SMARCA4: variants seen among roughly 807,000 people sequenced by gnomAD.
SMARCA4 encodes the protein SWI/SNF related BAF chromatin remodeling complex subunit ATPase 4.
A neutral mutation model predicts 193.9 loss-of-function variants in SMARCA4; 31 were observed. The ratio of observed to expected loss-of-function variants is 0.16; its 90% CI spans 0.12 to 0.22. The LOEUF is 0.22. Ranked by LOEUF, SMARCA4 falls within the 10% of genes least tolerant of loss-of-function variation. The pLI is 1.00. For synonymous variants in SMARCA4, 942 were observed against 933.1 expected (o/e 1.01, Z -0.17); for missense variants, 1,148 against 2,296.0 (o/e 0.50, Z 10.22).
chr19:10,964,816 C>T (rs1246325472), intron 1 of SMARCA4, among the ~76,000 whole-genome samples: 1 of 152,016 alleles, frequency 6.6e-6, no homozygotes, highest in Non-Finnish European at 1.5e-5. Context: ...CGGGTTTCAC[C>T]ATGTTGGCCA....
intron 14 of SMARCA4, chr19:11,008,339 C>T (rs2088448189): frequency 2.7e-6 from 1 of 373,002 alleles, no homozygotes; most frequent in East Asian, 6.5e-5. Flanking sequence ...ACTTTCCAGC[C>T]TTGTGTGTCA....
intron 29 of SMARCA4, among the ~76,000 whole-genome samples, chr19:11,036,896 G>A (rs187053151): frequency 5.1e-4 from 77 of 152,302 alleles, no homozygotes; most frequent in African/African-American, 1.7e-3. Flanking sequence ...GTCCTACAGC[G>A]TGGGATGCTT....
rs2088717284 is a variant in SMARCA4 at position 11,010,457 on chromosome 19, G to A, written c.2200G>A (p.Val734Met). The stretch of plus-strand genomic sequence containing the variant: ...ACGTGGCCTGCAGTCCTACTATGCC[G>A]TGGCCCATGCTGTCACTGAGAGAGT... ...LARGLQSYYA[V>M]AHAVTERVDK... Residue 734 changes from valine (V) to methionine (M), a missense_variant, in exon 15 of 35, where the codon GTG becomes ATG. Around this residue, in one of 17 missense-constraint regions of SMARCA4, gnomAD observed 6 missense variants for 45.7 expected, o/e 0.13. Coordinates refer to ENST00000344626, the MANE Select transcript of SMARCA4 (RefSeq NM_003072.5). 1 of 1,613,870 alleles carries A rather than the reference G, an allele frequency of 6.2e-7. No homozygotes were observed. The highest frequency in any genetic ancestry group is 1.3e-5 in the African/African-American group (1 of 74,902).
rs990366568 is a variant in SMARCA4, at chr19:10,961,051, C to G, written c.-155C>G. On this transcript the variant is annotated 5_prime_UTR_variant, in exon 1 of 35. Transcript: ENST00000344626. The stretch of plus-strand genomic sequence containing the variant: ...GGGCGGGCGCGCGCGCGAGGCTTCC[C>G]CTCGTTTGGCGGCGGCGGCGGCTTC... 1.3e-5 allele frequency: 2 copies of G among 149,362 alleles called. No individual in the cohort carries two copies. Among genetic ancestry groups the G allele is most frequent in the African/African-American group, 4.9e-5 (2 of 41,054 alleles). 9.3% of individuals were successfully genotyped at this position (149,362 alleles called of 1,614,324 possible).
chr19:10,994,468 CG>C (rs1421280508), intron 8 of SMARCA4, among the ~76,000 whole-genome samples: 1 of 151,592 alleles, frequency 6.6e-6, no homozygotes, highest in Non-Finnish European at 1.5e-5. Context: ...GGACTACAGG[CG>C]GCCCCTCACC....
chr19:11,027,205 A>T (rs2090325242), intron 23 of SMARCA4, among the ~76,000 whole-genome samples: 1 of 152,166 alleles, frequency 6.6e-6, no homozygotes. Context: ...GTGTTTTTTT[A>T]TACTGAGTTG....
At position 11,061,679 on chromosome 19, in the gene SMARCA4, A is replaced by G. The variant is rs552845584; in HGVS notation, c.4912-105A>G. ...GCGTGAGCCACCGTGCCCGGCCCAC[A>G]TCAGTGTTTTCTTGAGCAAGTTTAT... On this transcript the variant is annotated intron_variant, in intron 34 of 34. Coordinates refer to ENST00000344626, the MANE Select transcript of SMARCA4 (RefSeq NM_003072.5). 6.5e-5 allele frequency: 74 copies of G among 1,132,924 alleles called. No homozygotes were observed. In the African/African-American group the frequency reaches 9.9e-4, roughly 15 times the overall value. The allele number at this position is 1,132,924 out of a possible 1,614,324, so 70.2% of individuals were successfully genotyped here.
intron 32 of SMARCA4, 134 bp downstream of exon 32, chr19:11,059,023 C>G (rs2076706732): frequency 8.1e-6 from 6 of 738,104 alleles, no homozygotes; most frequent in Non-Finnish European, 1.2e-5. Flanking sequence ...GCCTGTAATC[C>G]CAGCACTTTG....
At chr19:11,020,363 C>T (rs1047324068) in intron 18 of SMARCA4, among the ~76,000 whole-genome samples, 1 of 152,048 alleles carries the variant, frequency 6.6e-6, no homozygotes, top group African/African-American at 2.4e-5. Flanking sequence ...GGTCTCACCC[C>T]TAAACATCCA....
intron 1 of SMARCA4, among the ~76,000 whole-genome samples, chr19:10,979,567 A>G (rs1309667670): frequency 4.6e-5 from 7 of 151,200 alleles, no homozygotes; most frequent in African/African-American, 2.4e-5. Flanking sequence ...GGGTCTTGCT[A>G]TGTTGCCTAG....
At chr19:11,035,157 C>G (rs2146705939) in intron 29 of SMARCA4, 25 bp downstream of exon 29, 2 of 1,595,072 alleles carry the variant, frequency 1.3e-6, no homozygotes, top group South Asian at 2.2e-5. Context: ...GGCCCAGCAG[C>G]TGCCGCAGGC....
chr19:10,973,359 G>A (rs146261416), intron 1 of SMARCA4, among the ~76,000 whole-genome samples: 2 of 151,950 alleles, frequency 1.3e-5, no homozygotes, highest in Non-Finnish European at 2.9e-5. Flanking sequence ...GCAGAGAACC[G>A]TCCTGGATGC....
intron 23 of SMARCA4, 58 bp downstream of exon 23, chr19:11,026,404 C>G (rs376220226): frequency 7.3e-7 from 1 of 1,368,768 alleles, no homozygotes; most frequent in Admixed American, 1.7e-5. Flanking sequence ...GGTTTTCTGT[C>G]GTTTTGTTGG....
chr19:11,028,101 T>C (rs1233281753), intron 24 of SMARCA4, 151 bp downstream of exon 24: 1 of 839,984 alleles, frequency 1.2e-6, no homozygotes, highest in Admixed American at 1.8e-5. Flanking sequence ...AGGCTGAGCA[T>C]CTTGGGCACT....
At chr19:11,043,869 C>T (rs1337205553) in intron 30 of SMARCA4, among the ~76,000 whole-genome samples, 1 of 151,924 alleles carries the variant, frequency 6.6e-6, no homozygotes, top group Admixed American at 6.6e-5. Context: ...GCTCCCAGCT[C>T]GGGAGGCTGG....
intron 13 of SMARCA4, among the ~76,000 whole-genome samples, chr19:11,004,724 A>G (rs1039425777): frequency 6.6e-6 from 1 of 152,048 alleles, no homozygotes; most frequent in Non-Finnish European, 1.5e-5. Flanking sequence ...TATTTACTGT[A>G]ATTTCTGATA....
At chr19:10,996,030 C>G (rs573448151) in intron 9 of SMARCA4, 183 bp from the exon 10 acceptor site, 128 of 715,498 alleles carry the variant, frequency 1.8e-4, no homozygotes, top group Admixed American at 3.9e-4. Flanking sequence ...TGGAACCTAG[C>G]CCTTGGTGGG....
At chr19:11,029,890 G>A (rs2090523380) in intron 24 of SMARCA4, among the ~76,000 whole-genome samples, 1 of 152,108 alleles carries the variant, frequency 6.6e-6, no homozygotes. Flanking sequence ...TGGCCAGGCT[G>A]GTCTCGAACT....
At chr19:10,962,304 C>T (rs2083874121) in intron 1 of SMARCA4, among the ~76,000 whole-genome samples, 1 of 152,114 alleles carries the variant, frequency 6.6e-6, no homozygotes, top group Non-Finnish European at 1.5e-5. Context: ...CCTCATTGTT[C>T]AGCAGATAAC....
Sources: gnomAD v4.1 joint callset for allele counts (sites outside exome capture counted in the v4.1 genomes callset) on GRCh38, gnomAD v4.1.1 for gene constraint, gnomAD v4.1.1 regional missense constraint, MANE v1.5 for transcripts, NCBI Gene and HGNC (gene_info 2026-07-23, HGNC 2026-07-21) for gene names.